SUMF1: variants seen among roughly 807,000 people sequenced by gnomAD.
The protein encoded by SUMF1 is sulfatase modifying factor 1, also known as formylglycine-generating enzyme.
Under a neutral mutation model 47.6 loss-of-function variants are expected in SUMF1, and 48 were observed. That is an observed-to-expected ratio of 1.01 (90% CI 0.80 to 1.28). The LOEUF is 1.28. Ranked by LOEUF, SUMF1 falls within the 50% of genes most tolerant of loss-of-function variation. SUMF1 has a pLI of 0.00. For missense variants in SUMF1, 571 were observed against 485.4 expected, an observed-to-expected ratio of 1.18 and a Z score of -1.66; for synonymous variants, 230 against 192.1, an observed-to-expected ratio of 1.20 and a Z score of -1.63.
intron 8 of SUMF1, among the ~76,000 whole-genome samples, chr3:4,351,957 G>A (rs1164160228): frequency 3.9e-5 from 6 of 152,146 alleles, no homozygotes; most frequent in Non-Finnish European, 8.8e-5. Context: ...TTAGTAACTT[G>A]TCCAAAGTCA....
intron 8 of SUMF1, among the ~76,000 whole-genome samples, chr3:4,262,439 A>G (rs1223738411): frequency 6.6e-6 from 1 of 152,122 alleles, no homozygotes; most frequent in Non-Finnish European, 1.5e-5. Flanking sequence ...AGCAACAACA[A>G]CAAAAAAGAC....
chr3:4,189,862 T>C (rs567960884), intron 8 of SUMF1, among the ~76,000 whole-genome samples: 10 of 152,266 alleles, frequency 6.6e-5, no homozygotes, highest in South Asian at 2.1e-4. Flanking sequence ...TGGTCTAAAA[T>C]GTTCCTCCAA....
intron 8 of SUMF1, among the ~76,000 whole-genome samples, chr3:4,211,121 T>TATATATATATATATATACAC (rs150373609): frequency 1.6e-5 from 2 of 128,294 alleles, no homozygotes; most frequent in African/African-American, 6.0e-5. Context: ...TATATATATA[T>TATATATATATATATATACAC]ACACACACAC....
At chr3:4,312,926 G>C (rs1406502927) in intron 8 of SUMF1, 3 of 1,613,184 alleles carry the variant, frequency 1.9e-6, no homozygotes, top group Non-Finnish European at 2.5e-6. Context: ...GTTGGACCTG[G>C]AGCAGACATT....
intron 8 of SUMF1, among the ~76,000 whole-genome samples, chr3:4,249,437 C>G (rs1696743823): frequency 6.6e-6 from 1 of 152,044 alleles, no homozygotes; most frequent in Admixed American, 6.5e-5. Flanking sequence ...CGCAATATTT[C>G]AAATTTTTAT....
At chr3:4,368,408 C>A (rs1700053064) in intron 8 of SUMF1, among the ~76,000 whole-genome samples, 1 of 152,184 alleles carries the variant, frequency 6.6e-6, no homozygotes, top group African/African-American at 2.4e-5. Flanking sequence ...ACTAGTTCAA[C>A]CATTGTGGAA....
At chr3:4,256,763 G>A (rs1442325007) in intron 8 of SUMF1, among the ~76,000 whole-genome samples, 1 of 152,024 alleles carries the variant, frequency 6.6e-6, no homozygotes, top group African/African-American at 2.4e-5. Flanking sequence ...CATTTGATGA[G>A]GCCAGCATCA....
At chr3:4,296,495 T>G (rs373269329) in intron 8 of SUMF1, among the ~76,000 whole-genome samples, 2 of 152,010 alleles carry the variant, frequency 1.3e-5, no homozygotes, top group Non-Finnish European at 2.9e-5. Context: ...GGCCTCACAA[T>G]CATGGTGGAA....
chr3:4,198,614 C>A (rs533569206), intron 8 of SUMF1, among the ~76,000 whole-genome samples: 16 of 152,102 alleles, frequency 1.1e-4, no homozygotes, highest in African/African-American at 3.6e-4. Context: ...GACAATGGCC[C>A]GACAAAAAGA....
intron 8 of SUMF1, among the ~76,000 whole-genome samples, chr3:4,301,622 C>T (rs1697966958): frequency 6.6e-6 from 1 of 152,176 alleles, no homozygotes; most frequent in Admixed American, 6.5e-5. Flanking sequence ...TTACCCACCA[C>T]GTCCTTAGCT....
chr3:4,280,600 GC>G (rs1473073901), intron 8 of SUMF1, among the ~76,000 whole-genome samples: 1 of 152,128 alleles, frequency 6.6e-6, no homozygotes, highest in African/African-American at 2.4e-5. Context: ...GTTTCCTGGG[GC>G]TGTCCTAACA....
At chr3:4,264,205 C>G (rs951131075) in intron 8 of SUMF1, among the ~76,000 whole-genome samples, 2 of 152,122 alleles carry the variant, frequency 1.3e-5, no homozygotes, top group African/African-American at 4.8e-5. Flanking sequence ...CAAAGGCAGC[C>G]AGGATACAAC....
At chr3:4,135,488 C>G (rs1400886187) in intron 8 of SUMF1, among the ~76,000 whole-genome samples, 2 of 149,466 alleles carry the variant, frequency 1.3e-5, no homozygotes, top group African/African-American at 4.9e-5. Context: ...ATAATAACAG[C>G]TATCTATGAC....
intron 6 of SUMF1, among the ~76,000 whole-genome samples, chr3:4,416,599 G>A (rs942399494): frequency 1.8e-4 from 28 of 152,336 alleles, no homozygotes; most frequent in African/African-American, 6.0e-4. Context: ...CAGCTGTGCC[G>A]CTTTCCAGCT....
At chr3:4,186,642 T>G (rs1695206865) in intron 8 of SUMF1, among the ~76,000 whole-genome samples, 1 of 152,188 alleles carries the variant, frequency 6.6e-6, no homozygotes, top group African/African-American at 2.4e-5. Flanking sequence ...TGACCAATTT[T>G]ACTGGGTGTT....
intron 8 of SUMF1, among the ~76,000 whole-genome samples, chr3:4,318,169 C>A: frequency 6.6e-6 from 1 of 151,538 alleles, no homozygotes; most frequent in Non-Finnish European, 1.5e-5. Flanking sequence ...AAACTAATAC[C>A]AATATCCCTT....
chr3:4,401,397 T>C (rs1701207411), intron 7 of SUMF1, among the ~76,000 whole-genome samples: 1 of 152,150 alleles, frequency 6.6e-6, no homozygotes, highest in African/African-American at 2.4e-5. Flanking sequence ...CACACTGTCT[T>C]CCACAATGGT....
At chr3:4,304,286 CATGG>C (rs1307059782) in intron 8 of SUMF1, among the ~76,000 whole-genome samples, 6 of 152,202 alleles carry the variant, frequency 3.9e-5, no homozygotes, top group African/African-American at 1.4e-4. Context: ...GGATTACAGG[CATGG>C]GCCACCACGC....
At chr3:4,303,335 A>C (rs1158756402) in intron 8 of SUMF1, 3 of 1,511,070 alleles carry the variant, frequency 2.0e-6, no homozygotes, top group Admixed American at 2.3e-5. Context: ...GCGGCCCAGG[A>C]CTGTCAGGGT....
Sources: allele counts gnomAD v4.1 joint callset (sites outside exome capture counted in the v4.1 genomes callset), GRCh38; gene constraint gnomAD v4.1.1; transcripts MANE v1.5; gene names NCBI Gene and HGNC (gene_info 2026-07-23, HGNC 2026-07-21).